The following CFAP206 variants were observed in gnomAD, a reference collection of about 807,000 sequenced individuals.
CFAP206 encodes the protein cilia and flagella associated protein 206, also known as cilia- and flagella-associated protein 206.
CFAP206 carries 53 observed loss-of-function variants against 65.4 expected under a neutral mutation model. The ratio of observed to expected loss-of-function variants is 0.81; its 90% CI spans 0.65 to 1.02. The LOEUF is 1.02. CFAP206 is among the 50% of genes least tolerant of loss of function. CFAP206 has a pLI of 0.00. For synonymous variants in CFAP206, 250 were observed against 254.4 expected, an observed-to-expected ratio of 0.98 and a Z score of 0.17; for missense variants, 663 against 753.2, an observed-to-expected ratio of 0.88 and a Z score of 1.40.
chr6:87,436,963 AC>A (rs1396655069), intron 11 of CFAP206, among the ~76,000 whole-genome samples: 2 of 152,050 alleles, frequency 1.3e-5, no homozygotes, highest in African/African-American at 4.8e-5. Context: ...TTAAAATGGT[AC>A]TTATTATTGT....
intron 11 of CFAP206, among the ~76,000 whole-genome samples, chr6:87,454,835 ACT>A (rs1160923055): frequency 8.6e-6 from 1 of 116,834 alleles, no homozygotes; most frequent in African/African-American, 3.2e-5. Context: ...ACAGAGTGAG[ACT>A]CTGTCTCAAA....
At chr6:87,456,771 C>A (rs1768649820) in intron 11 of CFAP206, among the ~76,000 whole-genome samples, 1 of 152,044 alleles carries the variant, frequency 6.6e-6, no homozygotes, top group Middle Eastern at 3.2e-3. Context: ...TCAATAGCTA[C>A]AAATAAAATT....
At chr6:87,421,711 G>A (rs1767944528) in intron 7 of CFAP206, among the ~76,000 whole-genome samples, 2 of 152,154 alleles carry the variant, frequency 1.3e-5, no homozygotes, top group Admixed American at 1.3e-4. Context: ...ATGTTATTGT[G>A]CAAGTAAGAG....
chr6:87,422,750 CA>C (rs566372814), intron 7 of CFAP206, among the ~76,000 whole-genome samples: 5,458 of 102,088 alleles, frequency 0.053, 108 homozygotes, highest in Middle Eastern at 0.11. Flanking sequence ...GACTCTGTCT[CA>C]AAAAAAAAAA....
chr6:87,428,754 G>C lies in CFAP206; in HGVS notation c.1089G>C (p.Glu363Asp), dbSNP rs753487433. ...FLGAHELYFP[E>D]RVMQCHLNGA... is the part of the protein sequence containing the mutation. Reference sequence around the variant, plus strand: ...GTGCTCACGAACTATACTTTCCTGAGAGAGTGATGCAATGTCATCTTAATG... The same window carrying C: ...GTGCTCACGAACTATACTTTCCTGACAGAGTGATGCAATGTCATCTTAATG... Residue 363 changes from glutamate to aspartate, a missense_variant, in exon 9 of 13, where the codon GAG becomes GAC. Transcript: ENST00000369562. The C allele has an allele frequency of 2.5e-6, 4 of 1,614,158 alleles. No individual in the cohort carries two copies. The East Asian group carries it at 8.9e-5, about 36-fold the overall frequency.
chr6:87,427,727 G>A (rs6454624), intron 8 of CFAP206, among the ~76,000 whole-genome samples: 54,702 of 151,898 alleles, frequency 0.36, 11,189 homozygotes, highest in African/African-American at 0.56. Context: ...TCTAATTATA[G>A]TGAGTCATAT....
rs1562243671 is a variant in CFAP206 at position 87,416,677 on chromosome 6, C to T, written c.481C>T (p.Gln161Ter). Residue 161 changes from glutamine to a stop codon, truncating the protein, a stop_gained, in exon 6 of 13, where the codon CAG becomes TAG. Coordinates refer to ENST00000369562, the MANE Select transcript of CFAP206 (RefSeq NM_001031743.3). LOFTEE classifies it high-confidence loss of function. ...TTTCTGGTTTATTTTAGCTGCTCTA[C>T]AGAGTGTTTTTCCTCAGGCAGAGCT... Reference protein sequence around the residue: ...KTVREVTAALQSVFPQAELGT... With the variant: ...KTVREVTAAL The T allele has an allele frequency of 1.2e-6, 2 of 1,605,156 alleles. No homozygotes were observed. Among genetic ancestry groups the T allele is most frequent in the Non-Finnish European group, 1.7e-6 (2 of 1,175,312 alleles).
intron 7 of CFAP206, among the ~76,000 whole-genome samples, chr6:87,423,142 C>G (rs1767975354): frequency 6.6e-6 from 1 of 152,170 alleles, no homozygotes. Flanking sequence ...TGGTCTCGAA[C>G]TCCTGGCCTC....
At chr6:87,419,282 T>C (rs1461053246) in intron 7 of CFAP206, among the ~76,000 whole-genome samples, 4 of 152,146 alleles carry the variant, frequency 2.6e-5, no homozygotes, top group Non-Finnish European at 5.9e-5. Flanking sequence ...GATTTTTATA[T>C]CTGGTGTTTT....
Position 87,452,541 on chromosome 6 carries a change from C to G in CFAP206, c.1495-8481C>G, listed in dbSNP as rs532891744. 2.9e-3 allele frequency among the ~76,000 whole-genome samples: 446 copies of G among 152,158 alleles called. 4 individuals carry two copies. Among genetic ancestry groups the G allele is most frequent in the Non-Finnish European group, 3.5e-3 (238 of 68,016 alleles). The stretch of plus-strand genomic sequence containing the variant: ...GAGATATGTGGCCTGGCCTTTCAGA[C>G]AGAGAATTCAAAATAGCTGTTTTGA... On this transcript the variant is annotated intron_variant, in intron 11 of 12. Coordinates refer to ENST00000369562, the MANE Select transcript of CFAP206 (RefSeq NM_001031743.3).
At position 87,423,381 on chromosome 6, in the gene CFAP206, T is replaced by A. The variant is rs189328671; in HGVS notation, c.841-3145T>A. Among the ~76,000 whole-genome samples the A allele has an allele frequency of 6.3e-3, 956 of 152,108 alleles. 2 individuals carry two copies. Among genetic ancestry groups the A allele is most frequent in the African/African-American group, 0.022 (917 of 41,500 alleles). On this transcript the variant is annotated intron_variant, in intron 7 of 12. Transcript: ENST00000369562. ...CTCCTGCCTCAGCCTCTCGAGTAGC[T>A]GGGACTACAGGCGCCCGCCACCACG...
At chr6:87,425,614 G>A (rs1436608607) in intron 7 of CFAP206, among the ~76,000 whole-genome samples, 1 of 152,100 alleles carries the variant, frequency 6.6e-6, no homozygotes, top group Non-Finnish European at 1.5e-5. Flanking sequence ...AAAGACAGGC[G>A]ATTAAAGGCT....
chr6:87,420,646 TA>T (rs1175152908), intron 7 of CFAP206, among the ~76,000 whole-genome samples: 1 of 152,316 alleles, frequency 6.6e-6, no homozygotes, highest in African/African-American at 2.4e-5. Context: ...AACGGCTCAA[TA>T]AAGTGATGAT....
chr6:87,459,718 G>C (rs1293808458), intron 11 of CFAP206, among the ~76,000 whole-genome samples: 2 of 151,438 alleles, frequency 1.3e-5, no homozygotes, highest in Non-Finnish European at 2.9e-5. Context: ...AAATTATTTG[G>C]TCTTGCTATC....
intron 11 of CFAP206, among the ~76,000 whole-genome samples, chr6:87,460,467 G>C (rs894383195): frequency 3.3e-5 from 5 of 152,236 alleles, no homozygotes; most frequent in South Asian, 4.1e-4. Context: ...TGTGCAAAGT[G>C]GGGAGGGATA....
chr6:87,442,861 C>A (rs1435503025), intron 11 of CFAP206, among the ~76,000 whole-genome samples: 1 of 152,104 alleles, frequency 6.6e-6, no homozygotes, highest in South Asian at 2.1e-4. Context: ...TTAAAAAATA[C>A]ATTCTTGAAT....
At chr6:87,446,186 C>T (rs146183610) in intron 11 of CFAP206, among the ~76,000 whole-genome samples, 95 of 152,122 alleles carry the variant, frequency 6.2e-4, no homozygotes, top group Middle Eastern at 3.4e-3. Flanking sequence ...TATTTTGCTG[C>T]GCAGAAGCTC....
chr6:87,442,865 C>A (rs1292822226), intron 11 of CFAP206, among the ~76,000 whole-genome samples: 1 of 152,080 alleles, frequency 6.6e-6, no homozygotes, highest in Non-Finnish European at 1.5e-5. Context: ...AAAATACATT[C>A]TTGAATTCAG....
At chr6:87,413,731 T>C in intron 3 of CFAP206, 79 bp from the exon 4 acceptor site, 1 of 879,224 alleles carries the variant, frequency 1.1e-6, no homozygotes, top group Non-Finnish European at 1.8e-6. Flanking sequence ...TTTCCCTTTA[T>C]TTTTGAAAAT....
Sources: allele counts gnomAD v4.1 joint callset (sites outside exome capture counted in the v4.1 genomes callset), GRCh38; gene constraint gnomAD v4.1.1; transcripts MANE v1.5; gene names NCBI Gene and HGNC (gene_info 2026-07-23, HGNC 2026-07-21).